Variants in BICDL1 observed in about 807,000 individuals in gnomAD.
BICDL1 encodes the protein BICD family like cargo adaptor 1.
Under a neutral mutation model 76.8 loss-of-function variants are expected in BICDL1, and 20 were observed. The ratio of observed to expected loss-of-function variants is 0.26; its 90% CI spans 0.18 to 0.38. The LOEUF is 0.38. BICDL1 is among the 10% of genes least tolerant of loss of function. The pLI is 1.00. For missense variants in BICDL1, 700 were observed against 798.6 expected (o/e 0.88, Z 1.49); for synonymous variants, 383 against 337.1 (o/e 1.14, Z -1.49).
chr12:120,000,967 T>C (rs914875688), intron 2 of BICDL1, among the ~76,000 whole-genome samples: 1 of 152,232 alleles, frequency 6.6e-6, no homozygotes, highest in Non-Finnish European at 1.5e-5. Flanking sequence ...TAATTTCTTA[T>C]AGAAAATCCT....
At chr12:120,025,595 C>G (rs1465518697) in intron 2 of BICDL1, among the ~76,000 whole-genome samples, 2 of 152,158 alleles carry the variant, frequency 1.3e-5, no homozygotes, top group African/African-American at 4.8e-5. Flanking sequence ...ACTCAGACTC[C>G]CTACTGCATA....
At chr12:120,025,241 G>A (rs1439147746) in intron 2 of BICDL1, among the ~76,000 whole-genome samples, 2 of 151,594 alleles carry the variant, frequency 1.3e-5, no homozygotes, top group Non-Finnish European at 2.9e-5. Context: ...TAGTAGAGAT[G>A]GGGTTTCACC....
intron 1 of BICDL1, among the ~76,000 whole-genome samples, chr12:119,991,153 G>A (rs558305884): frequency 3.7e-4 from 56 of 152,284 alleles, no homozygotes; most frequent in Middle Eastern, 3.4e-3. Context: ...CAAAAAAAAG[G>A]GGCAGGGGGA....
intron 9 of BICDL1, among the ~76,000 whole-genome samples, chr12:120,090,466 C>T (rs979711143): frequency 1.3e-5 from 2 of 152,176 alleles, no homozygotes; most frequent in Non-Finnish European, 2.9e-5. Context: ...GCAGCTGCTA[C>T]CCTTCCCCTT....
intron 2 of BICDL1, among the ~76,000 whole-genome samples, chr12:120,024,022 G>A (rs959911118): frequency 2.0e-5 from 3 of 152,092 alleles, no homozygotes; most frequent in African/African-American, 7.2e-5. Flanking sequence ...GCTCACACTT[G>A]TAATCCCAGC....
At chr12:120,052,327 CTT>C (rs905142049) in intron 2 of BICDL1, among the ~76,000 whole-genome samples, 4 of 145,580 alleles carry the variant, frequency 2.7e-5, no homozygotes, top group South Asian at 2.2e-4. Context: ...CTCTCTCTCT[CTT>C]TCTCTGTTTC....
chr12:120,035,071 C>T (rs1318996230), intron 2 of BICDL1, among the ~76,000 whole-genome samples: 1 of 152,198 alleles, frequency 6.6e-6, no homozygotes, highest in Non-Finnish European at 1.5e-5. Context: ...CATGGTGGCT[C>T]AGACCTCTAA....
intron 2 of BICDL1, among the ~76,000 whole-genome samples, chr12:120,008,934 C>A (rs1477746579): frequency 6.7e-6 from 1 of 149,934 alleles, no homozygotes; most frequent in Non-Finnish European, 1.5e-5. Context: ...CTTATTCTTC[C>A]GGCATAGAGG....
intron 9 of BICDL1, chr12:120,091,297 G>A (rs936785452): frequency 9.3e-6 from 10 of 1,076,740 alleles, no homozygotes; most frequent in African/African-American, 1.7e-5. Flanking sequence ...GATGAGCAGC[G>A]TGTGTCTGGG....
chr12:120,034,576 G>A (rs557229556), intron 2 of BICDL1, among the ~76,000 whole-genome samples: 1 of 152,296 alleles, frequency 6.6e-6, no homozygotes, highest in South Asian at 2.1e-4. Flanking sequence ...TTCTTTCGAG[G>A]GATGCAGGGG....
chr12:120,077,381 C>G (rs1376335433), intron 7 of BICDL1, among the ~76,000 whole-genome samples: 1 of 152,176 alleles, frequency 6.6e-6, no homozygotes, highest in African/African-American at 2.4e-5. Flanking sequence ...CTCCTCTGTT[C>G]CCCAAGTGGC....
rs1221694042 is a variant in BICDL1, at chr12:120,072,627, A to G, written c.1206A>G (p.Ser402=). Residue 402 remains serine, a synonymous_variant, in exon 6 of 10, where the codon TCA becomes TCG. Coordinates refer to ENST00000548673, the MANE Select transcript of BICDL1 (RefSeq NM_001367886.1). ...CGGACTCCTCCATGGACGAGTCTTC[A>G]GAAACCTCGTCCGCCAAGGATGTGC... ...VSTDSSMDES[S]ETSSAKDVPA... The G allele has an allele frequency of 1.2e-6, 2 of 1,614,198 alleles. No individual in the cohort carries two copies. Among genetic ancestry groups the G allele is most frequent in the African/African-American group, 1.3e-5 (1 of 75,072 alleles).
chr12:120,066,542 G>A (rs1953225518), intron 4 of BICDL1, among the ~76,000 whole-genome samples: 2 of 152,244 alleles, frequency 1.3e-5, no homozygotes, highest in African/African-American at 4.8e-5. Flanking sequence ...CGAGAATCCC[G>A]TCATGCCACA....
intron 2 of BICDL1, among the ~76,000 whole-genome samples, chr12:120,016,374 A>G (rs75887295): frequency 0.013 from 1,894 of 151,098 alleles, 37 homozygotes; most frequent in East Asian, 0.043. Context: ...TTGGACTTAC[A>G]CTTTCATTTC....
Position 120,028,973 on chromosome 12 carries a change from CAA to C in BICDL1, c.645+30239_645+30240del, listed in dbSNP as rs776516170. ...ACAGATCCCTTAAGTTACAGGTAAG[CAA>C]AGAGTCAAATTGGAGGGCAACTAAC... On this transcript the variant is annotated intron_variant, in intron 2 of 9. Transcript: ENST00000548673. Among the ~76,000 whole-genome samples, 6 of 152,274 alleles carry C rather than the reference CAA, an allele frequency of 3.9e-5. No homozygotes were observed. The East Asian group carries it at 9.6e-4, about 24-fold the overall frequency.
intron 2 of BICDL1, among the ~76,000 whole-genome samples, chr12:120,002,355 G>T (rs1951775148): frequency 6.6e-6 from 1 of 152,088 alleles, no homozygotes; most frequent in Non-Finnish European, 1.5e-5. Context: ...AACGTGTTGG[G>T]GTTTTCTTAC....
intron 1 of BICDL1, among the ~76,000 whole-genome samples, chr12:119,997,760 TAGTA>T (rs1951679786): frequency 6.6e-6 from 1 of 151,966 alleles, no homozygotes; most frequent in African/African-American, 2.4e-5. Context: ...AATTCTGTGA[TAGTA>T]AGAATCTGGT....
chr12:119,991,246 CTT>C (rs1370219789), intron 1 of BICDL1, among the ~76,000 whole-genome samples: 1 of 152,224 alleles, frequency 6.6e-6, no homozygotes, highest in Non-Finnish European at 1.5e-5. Flanking sequence ...GCAGCCAGCT[CTT>C]TTCATTCTTA....
At chr12:120,059,743 C>T (rs1275290281) in intron 2 of BICDL1, among the ~76,000 whole-genome samples, 1 of 152,048 alleles carries the variant, frequency 6.6e-6, no homozygotes, top group Non-Finnish European at 1.5e-5. Flanking sequence ...CTTTCACACT[C>T]TGTTGCCAAG....
Sources: gnomAD v4.1 joint callset for allele counts (sites outside exome capture counted in the v4.1 genomes callset) on GRCh38, gnomAD v4.1.1 for gene constraint, MANE v1.5 for transcripts, NCBI Gene and HGNC (gene_info 2026-07-23, HGNC 2026-07-21) for gene names.